The following INO80C variants were observed in gnomAD, a reference collection of about 807,000 sequenced individuals.
The protein encoded by INO80C is IES6 homolog.
INO80C carries 17 observed loss-of-function variants against 17.7 expected under a neutral mutation model. The observed-to-expected ratio is 0.96, with a 90% CI of 0.66 to 1.44. The LOEUF is 1.44. Ranked by LOEUF, INO80C falls within the 40% of genes most tolerant of loss-of-function variation. INO80C has a pLI of 0.00. For synonymous variants in INO80C, 96 were observed against 95.8 expected, an observed-to-expected ratio of 1.00 and a Z score of -0.01; for missense variants, 244 against 245.0, an observed-to-expected ratio of 1.00 and a Z score of 0.03.
At chr18:35,472,134 G>C (rs1042493248) in intron 4 of INO80C, among the ~76,000 whole-genome samples, 1 of 152,138 alleles carries the variant, frequency 6.6e-6, no homozygotes, top group African/African-American at 2.4e-5. Flanking sequence ...GGGATGGCTG[G>C]GTCAAATGGT....
intron 1 of INO80C, among the ~76,000 whole-genome samples, chr18:35,488,426 A>G (rs762446322): frequency 3.9e-5 from 6 of 152,164 alleles, no homozygotes; most frequent in Non-Finnish European, 7.3e-5. Flanking sequence ...CAGGCTCAAC[A>G]CTATGTGGAA....
At position 35,496,241 on chromosome 18, in the gene INO80C, T is replaced by C. The variant is rs151267074; in HGVS notation, c.156+1478A>G. 3.1e-3 allele frequency among the ~76,000 whole-genome samples: 472 copies of C among 152,312 alleles called. 1 individual carries two copies. Among genetic ancestry groups the C allele is most frequent in the African/African-American group, 0.01 (427 of 41,560 alleles). Reference sequence around the variant, plus strand: ...GCAGCTTCTGCACAAAGCCAAAAACTGTAAACGTTCAAATATTCATCGGGT... The same window carrying C: ...GCAGCTTCTGCACAAAGCCAAAAACCGTAAACGTTCAAATATTCATCGGGT... On this transcript the variant is annotated intron_variant, in intron 1 of 4. Transcript: ENST00000334598.
chr18:35,468,838 GAT>G (rs2045635788), intron 4 of INO80C, 96 bp from the exon 5 acceptor site: 2 of 1,122,618 alleles, frequency 1.8e-6, no homozygotes, highest in Non-Finnish European at 1.3e-6. Flanking sequence ...CACTGAAAGT[GAT>G]ATATATTTTC....
intron 4 of INO80C, among the ~76,000 whole-genome samples, chr18:35,476,410 T>G (rs2045736653): frequency 2.6e-5 from 4 of 152,340 alleles, no homozygotes; most frequent in Middle Eastern, 3.4e-3. Flanking sequence ...TAACTATTGG[T>G]TCATTAATTG....
At chr18:35,474,537 A>T (rs2045711926) in intron 4 of INO80C, among the ~76,000 whole-genome samples, 1 of 151,640 alleles carries the variant, frequency 6.6e-6, no homozygotes, top group Non-Finnish European at 1.5e-5. Flanking sequence ...AAAAAAATTT[A>T]AAAGCCAGGT....
intron 4 of INO80C, among the ~76,000 whole-genome samples, chr18:35,472,884 C>A (rs540801553): frequency 2.6e-5 from 4 of 152,238 alleles, no homozygotes; most frequent in African/African-American, 9.6e-5. Context: ...TATTTATATC[C>A]TTTTTGCTGA....
rs2045998648 is a variant in INO80C at position 35,497,645 on chromosome 18, G to C, written c.156+74C>G. The C allele has an allele frequency of 5.9e-6, 9 of 1,529,140 alleles. No individual in the cohort carries two copies. The South Asian group carries it at 8.6e-5, about 15-fold the overall frequency. The allele number at this position is 1,529,140 out of a possible 1,614,324, so 94.7% of individuals were successfully genotyped here. A position where few individuals can be genotyped will look rare whatever the true frequency, so the allele number is the denominator to read the frequency against. On this transcript the variant is annotated intron_variant, in intron 1 of 4. Coordinates refer to ENST00000334598, the MANE Select transcript of INO80C (RefSeq NM_194281.4). ...GCGCAGCGCCCCACATTACGCACGC[G>C]CCCTGGCTCGGCTCCGCCCCGCCAA...
intron 1 of INO80C, 139 bp downstream of exon 1, chr18:35,497,580 T>C (rs2144102245): frequency 3.5e-6 from 5 of 1,426,236 alleles, no homozygotes; most frequent in Non-Finnish European, 4.6e-6. Flanking sequence ...AGTCATTCAC[T>C]CCGCGGGGCA....
chr18:35,473,444 C>T (rs2045694700), intron 4 of INO80C, among the ~76,000 whole-genome samples: 1 of 152,154 alleles, frequency 6.6e-6, no homozygotes, highest in African/African-American at 2.4e-5. Context: ...GATTCAGGGG[C>T]TACTGAAACA....
chr18:35,474,531 A>AC (rs887342130), intron 4 of INO80C, among the ~76,000 whole-genome samples: 6 of 151,606 alleles, frequency 4.0e-5, no homozygotes, highest in Non-Finnish European at 7.4e-5. Flanking sequence ...CTATAAAAAA[A>AC]AATTTAAAAG....
intron 1 of INO80C, among the ~76,000 whole-genome samples, chr18:35,493,825 A>T (rs1431188611): frequency 2.0e-5 from 3 of 152,238 alleles, no homozygotes; most frequent in Non-Finnish European, 4.4e-5. Context: ...TTAAAATTCC[A>T]TGAAAGTTTT....
At chr18:35,485,304 A>AACTT (rs2045860181) in intron 1 of INO80C, among the ~76,000 whole-genome samples, 1 of 152,238 alleles carries the variant, frequency 6.6e-6, no homozygotes, top group African/African-American at 2.4e-5. Flanking sequence ...CAATTTCAAA[A>AACTT]ACTTAAGCAA....
intron 4 of INO80C, among the ~76,000 whole-genome samples, chr18:35,471,798 C>T (rs1317513743): frequency 8.4e-6 from 1 of 118,722 alleles, no homozygotes; most frequent in Non-Finnish European, 1.9e-5. Context: ...TGTTCCCCTT[C>T]CTGTGTCCAT....
At chr18:35,483,109 T>C (rs993065544) in intron 1 of INO80C, among the ~76,000 whole-genome samples, 3 of 152,282 alleles carry the variant, frequency 2.0e-5, no homozygotes, top group African/African-American at 7.2e-5. Flanking sequence ...TCATTTATGC[T>C]GTACTAAGAT....
chr18:35,481,406 G>C (rs1489140471), intron 1 of INO80C, among the ~76,000 whole-genome samples: 1 of 152,182 alleles, frequency 6.6e-6, no homozygotes, highest in Non-Finnish European at 1.5e-5. Context: ...CTTAAATGTA[G>C]TTGTCATGAG....
chr18:35,471,254 T>C (rs2144023547), intron 4 of INO80C, among the ~76,000 whole-genome samples: 1 of 152,360 alleles, frequency 6.6e-6, no homozygotes, highest in East Asian at 1.9e-4. Context: ...TATCACCATC[T>C]ACCATCCAAA....
At chr18:35,474,137 T>C (rs1179460904) in intron 4 of INO80C, among the ~76,000 whole-genome samples, 3 of 146,872 alleles carry the variant, frequency 2.0e-5, no homozygotes, top group Non-Finnish European at 4.5e-5. Context: ...GCAGCTATTA[T>C]GTGTTCAAGG....
chr18:35,478,073 A>C (rs1338179549), intron 4 of INO80C, among the ~76,000 whole-genome samples: 1 of 152,202 alleles, frequency 6.6e-6, no homozygotes, highest in East Asian at 1.9e-4. Flanking sequence ...GAGAAGCTGG[A>C]GTCTCCTGCT....
chr18:35,497,301 A>T, intron 1 of INO80C: 1 of 979,132 alleles, frequency 1.0e-6, no homozygotes, highest in Non-Finnish European at 1.2e-6. Context: ...CATACTTATC[A>T]ATACATCTTG....
Sources: gnomAD v4.1 joint callset for allele counts (sites outside exome capture counted in the v4.1 genomes callset) on GRCh38, gnomAD v4.1.1 for gene constraint, MANE v1.5 for transcripts, NCBI Gene and HGNC (gene_info 2026-07-23, HGNC 2026-07-21) for gene names.